The following PRIM2 variants were observed in gnomAD, a reference collection of about 807,000 sequenced individuals.
PRIM2 encodes the protein DNA primase large subunit.
Under a neutral mutation model 67.3 loss-of-function variants are expected in PRIM2, and 39 were observed. That is an observed-to-expected ratio of 0.58 (90% confidence interval 0.45 to 0.76). The LOEUF is 0.76. PRIM2 is among the 30% of genes least tolerant of loss of function. PRIM2 has a pLI of 0.00. For missense variants in PRIM2, 398 were observed against 598.7 expected, an observed-to-expected ratio of 0.66 and a Z score of 3.50; for synonymous variants, 143 against 198.7, an observed-to-expected ratio of 0.72 and a Z score of 2.36.
chr6:57,569,755 T>C (rs1252661952), intron 10 of PRIM2, among the ~76,000 whole-genome samples: 2 of 146,982 alleles, frequency 1.4e-5, no homozygotes, highest in East Asian at 2.0e-4. Flanking sequence ...TTTTCTTTTC[T>C]TTTTTTTTTT....
intron 5 of PRIM2, among the ~76,000 whole-genome samples, chr6:57,378,732 C>A (rs1769859416): frequency 1.3e-5 from 2 of 152,084 alleles, no homozygotes; most frequent in South Asian, 4.1e-4. Context: ...GGTCTCTCGT[C>A]AGATATCCCA....
chr6:57,256,308 C>T, the PRIM2 span, among the ~76,000 whole-genome samples: 2 of 152,136 alleles, frequency 1.3e-5, no homozygotes, highest in African/African-American at 4.8e-5. Context: ...TTATTTACCC[C>T]TCACCATCAC....
intron 7 of PRIM2, among the ~76,000 whole-genome samples, chr6:57,459,253 A>G (rs1772917351): frequency 1.3e-5 from 2 of 152,188 alleles, no homozygotes; most frequent in Admixed American, 1.3e-4. Flanking sequence ...GTAGCACTCA[A>G]CACATGAGAA....
chr6:57,521,828 G>A (rs1554348949), intron 8 of PRIM2, among the ~76,000 whole-genome samples: 16 of 152,236 alleles, frequency 1.1e-4, no homozygotes, highest in South Asian at 4.1e-4. Context: ...TTTTATGAAC[G>A]TCAGAAACTC....
chr6:57,443,700 T>G (rs1032264098), intron 7 of PRIM2, among the ~76,000 whole-genome samples: 1 of 152,168 alleles, frequency 6.6e-6, no homozygotes, highest in African/African-American at 2.4e-5. Flanking sequence ...AAATATTTTC[T>G]CCCAATTCAT....
the PRIM2 span, among the ~76,000 whole-genome samples, chr6:57,282,668 T>C: frequency 6.6e-6 from 1 of 152,156 alleles, no homozygotes; most frequent in Non-Finnish European, 1.5e-5. Context: ...GCAAAGAGGA[T>C]ATTAGGACTC....
chr6:57,490,151 T>G (rs1333189406), intron 7 of PRIM2, among the ~76,000 whole-genome samples: 1 of 152,178 alleles, frequency 6.6e-6, no homozygotes, highest in Admixed American at 6.5e-5. Flanking sequence ...TATACCCTAC[T>G]GAGATTGCCT....
chr6:57,251,702 G>C, the PRIM2 span, among the ~76,000 whole-genome samples: 1 of 152,158 alleles, frequency 6.6e-6, no homozygotes, highest in African/African-American at 2.4e-5. Context: ...GTGTTATTCA[G>C]GCAGACATTT....
intron 12 of PRIM2, among the ~76,000 whole-genome samples, chr6:57,613,743 G>T (rs1776705181): frequency 6.6e-6 from 1 of 152,188 alleles, no homozygotes; most frequent in African/African-American, 2.4e-5. Flanking sequence ...GGTACTACCT[G>T]CACATGCAGT....
chr6:57,485,734 G>A (rs1367006720), intron 7 of PRIM2, among the ~76,000 whole-genome samples: 2 of 152,176 alleles, frequency 1.3e-5, no homozygotes, highest in Admixed American at 6.5e-5. Context: ...CATTTAACGA[G>A]TGTGTACCAT....
intron 8 of PRIM2, among the ~76,000 whole-genome samples, chr6:57,509,856 T>A (rs1244606654): frequency 1.3e-4 from 20 of 149,060 alleles, no homozygotes; most frequent in African/African-American, 4.9e-4. Context: ...TTTTAAAACA[T>A]TTTAAATATA....
intron 10 of PRIM2, among the ~76,000 whole-genome samples, chr6:57,545,661 C>T (rs1377321843): frequency 2.0e-5 from 3 of 151,978 alleles, no homozygotes; most frequent in Admixed American, 6.6e-5. Context: ...CTCGAACTCC[C>T]GACCTCAGGT....
At chr6:57,432,145 G>T (rs1771854191) in intron 7 of PRIM2, among the ~76,000 whole-genome samples, 2 of 152,150 alleles carry the variant, frequency 1.3e-5, no homozygotes. Context: ...TGTGACAGAG[G>T]AGGAAGTAAG....
intron 8 of PRIM2, among the ~76,000 whole-genome samples, chr6:57,529,694 AT>A (rs1472724941): frequency 6.6e-6 from 1 of 152,204 alleles, no homozygotes; most frequent in East Asian, 1.9e-4. Context: ...AAGAAGAATA[AT>A]TTTTTCTTCA....
At chr6:57,233,339 G>C in the PRIM2 span, among the ~76,000 whole-genome samples, 1 of 152,264 alleles carries the variant, frequency 6.6e-6, no homozygotes, top group Non-Finnish European at 1.5e-5. Flanking sequence ...CAAGCATTAT[G>C]AGTGATACAA....
At chr6:57,267,813 C>T in the PRIM2 span, among the ~76,000 whole-genome samples, 1 of 151,314 alleles carries the variant, frequency 6.6e-6, no homozygotes, top group Admixed American at 6.6e-5. Flanking sequence ...CTCAAATGAC[C>T]CTCCCGCCTT....
chr6:57,553,683 G>T (rs1171881116), intron 10 of PRIM2, among the ~76,000 whole-genome samples: 1 of 151,682 alleles, frequency 6.6e-6, no homozygotes, highest in Admixed American at 6.6e-5. Flanking sequence ...TCCATTACTT[G>T]CTCTGAGGTT....
chr6:57,398,053 G>A (rs1445012751), intron 7 of PRIM2, among the ~76,000 whole-genome samples: 4 of 151,040 alleles, frequency 2.6e-5, no homozygotes, highest in African/African-American at 4.9e-5. Flanking sequence ...TCTGCCTCCC[G>A]GGTTCAAGCG....
At chr6:57,628,641 C>T (rs1447066982) in intron 12 of PRIM2, among the ~76,000 whole-genome samples, 1 of 152,100 alleles carries the variant, frequency 6.6e-6, no homozygotes, top group African/African-American at 2.4e-5. Context: ...TCTTGTCTCC[C>T]TTCCCCCAGT....
Sources: allele counts gnomAD v4.1 joint callset (sites outside exome capture counted in the v4.1 genomes callset), GRCh38; gene constraint gnomAD v4.1.1; transcripts MANE v1.5; gene names NCBI Gene and HGNC (gene_info 2026-07-23, HGNC 2026-07-21).